The following TXNRD1 variants were observed in gnomAD, a reference collection of about 807,000 sequenced individuals.
TXNRD1 encodes the protein thioredoxin reductase 1, cytoplasmic.
TXNRD1 carries 57 observed loss-of-function variants against 80.3 expected under a neutral mutation model. The ratio of observed to expected loss-of-function variants is 0.71; its 90% CI spans 0.57 to 0.89. The LOEUF (loss-of-function observed/expected upper bound fraction) is 0.89, where lower values mean the gene tolerates loss of function less well. TXNRD1 is among the 40% of genes least tolerant of loss of function. TXNRD1 has a pLI of 0.00. For missense variants in TXNRD1, 730 were observed against 803.0 expected (o/e 0.91, Z 1.10); for synonymous variants, 291 against 285.2 (o/e 1.02, Z -0.20).
At chr12:104,254,643 AAAT>A (rs1156610118) in intron 2 of TXNRD1, among the ~76,000 whole-genome samples, 7 of 129,188 alleles carry the variant, frequency 5.4e-5, no homozygotes, top group Non-Finnish European at 8.0e-5. Context: ...AAAAAAAAAA[AAAT>A]ATATATATAT....
chr12:104,325,598 G>T (rs1444842118), intron 11 of TXNRD1, among the ~76,000 whole-genome samples, 169 bp downstream of exon 11: 2 of 152,182 alleles, frequency 1.3e-5, no homozygotes, highest in East Asian at 3.8e-4. Flanking sequence ...TGGTGGCCAG[G>T]TGTGTTAGCT....
chr12:104,225,184 G>T (rs2032444671), intron 1 of TXNRD1, among the ~76,000 whole-genome samples: 1 of 152,140 alleles, frequency 6.6e-6, no homozygotes, highest in Non-Finnish European at 1.5e-5. Context: ...TTAATAAAAA[G>T]GAGTAACATT....
At chr12:104,332,447 T>G (rs767583199) in intron 14 of TXNRD1, among the ~76,000 whole-genome samples, 2 of 152,138 alleles carry the variant, frequency 1.3e-5, no homozygotes, top group Non-Finnish European at 2.9e-5. Context: ...CCTTTTTTTC[T>G]GATTATAAGA....
intron 1 of TXNRD1, among the ~76,000 whole-genome samples, chr12:104,221,484 A>G (rs2032357522): frequency 6.6e-6 from 1 of 151,862 alleles, no homozygotes; most frequent in Non-Finnish European, 1.5e-5. Context: ...CGCCCGACTA[A>G]TTTTGTATTT....
intron 1 of TXNRD1, among the ~76,000 whole-genome samples, chr12:104,224,268 T>C (rs1278518922): frequency 6.6e-6 from 1 of 152,202 alleles, no homozygotes; most frequent in African/African-American, 2.4e-5. Context: ...ATTCCCCAAG[T>C]AGAGATAGTT....
chr12:104,323,552 C>T lies in TXNRD1; in HGVS notation c.1216-1785C>T, dbSNP rs1200044801. 2.4e-3 allele frequency among the ~76,000 whole-genome samples: 324 copies of T among 135,060 alleles called. 6 individuals carry two copies. The highest frequency in any genetic ancestry group is 9.3e-3 in the African/African-American group (310 of 33,492). 88.6% of individuals were successfully genotyped at this position (135,060 alleles called of 152,430 possible). Reference sequence around the variant, plus strand: ...GGGGCTGACACCCCCACCTCCCTCCCGGACGGGGCGGCTGGCCGGGCGGGG... The same window carrying T: ...GGGGCTGACACCCCCACCTCCCTCCTGGACGGGGCGGCTGGCCGGGCGGGG... On this transcript the variant is annotated intron_variant, in intron 10 of 16. Transcript: ENST00000525566.
intron 3 of TXNRD1, among the ~76,000 whole-genome samples, chr12:104,284,653 C>A (rs1378233544): frequency 1.3e-5 from 2 of 152,084 alleles, no homozygotes; most frequent in Non-Finnish European, 2.9e-5. Flanking sequence ...AAGGGTTTGC[C>A]TATCCAAAGC....
At chr12:104,257,874 T>C in intron 2 of TXNRD1, 145 bp from the exon 3 acceptor site, 1 of 639,558 alleles carries the variant, frequency 1.6e-6, no homozygotes, top group Non-Finnish European at 2.7e-6. Flanking sequence ...ACAGGGAGAA[T>C]CTTATGGGTT....
In TXNRD1 at chr12:104,288,912, C is replaced by T; in HGVS notation, c.305-19C>T. 1 of 1,614,004 alleles carries T rather than the reference C, an allele frequency of 6.2e-7. No homozygotes were observed. The highest frequency in any genetic ancestry group is 8.5e-7 in the Non-Finnish European group (1 of 1,179,852). On this transcript the variant is annotated intron_variant, in intron 3 of 16. Coordinates refer to ENST00000525566, the MANE Select transcript of TXNRD1 (RefSeq NM_001093771.3). ...GGAGAAGCACCTTACACGCTCCGCT[C>T]TGCTTTTGTGCCACACAGAGGACGG...
At chr12:104,284,272 T>A (rs1182537710) in intron 3 of TXNRD1, 2 of 152,232 alleles carry the variant, frequency 1.3e-5, no homozygotes, top group Admixed American at 1.3e-4. Flanking sequence ...TGTGTTTCCT[T>A]CAGCAATGTT....
chr12:104,314,360 G>C (rs141709299), intron 6 of TXNRD1, among the ~76,000 whole-genome samples: 1 of 152,318 alleles, frequency 6.6e-6, no homozygotes, highest in African/African-American at 2.4e-5. Flanking sequence ...AGGAAGTCCA[G>C]ATAAGGCGAT....
At chr12:104,250,757 G>A (rs2033101115) in intron 1 of TXNRD1, among the ~76,000 whole-genome samples, 1 of 152,214 alleles carries the variant, frequency 6.6e-6, no homozygotes, top group African/African-American at 2.4e-5. Flanking sequence ...GAAATGAGAA[G>A]AAATCACCTA....
At position 104,326,565 on chromosome 12, in the gene TXNRD1, A is replaced by G. The variant is rs2035773490; in HGVS notation, c.1385+142A>G. ...ACTGCAACCTCCGTCCCCTGGGATC[A>G]AGCCATTCTCCTGCCTCAGCCTCCC... is the stretch of plus-strand genomic sequence containing the variant. On this transcript the variant is annotated intron_variant, in intron 12 of 16. Transcript: ENST00000525566. 3 of 532,438 alleles carry G rather than the reference A, an allele frequency of 5.6e-6. No individual in the cohort carries two copies. In the South Asian group the frequency reaches 7.0e-5, roughly 12 times the overall value. The allele number at this position is 532,438 out of a possible 1,614,324, so 33.0% of individuals were successfully genotyped here. A position where few individuals can be genotyped will look rare whatever the true frequency, so the allele number is the denominator to read the frequency against.
intron 2 of TXNRD1, among the ~76,000 whole-genome samples, chr12:104,256,283 G>A (rs2033245541): frequency 6.6e-6 from 1 of 152,176 alleles, no homozygotes. Flanking sequence ...CTACGTAAAG[G>A]TAGCTTTCCG....
chr12:104,346,951 C>T (rs1489124808), intron 16 of TXNRD1, among the ~76,000 whole-genome samples: 4 of 151,992 alleles, frequency 2.6e-5, no homozygotes, highest in Non-Finnish European at 5.9e-5. Context: ...AAAAATTATC[C>T]GAGCATGGTG....
intron 4 of TXNRD1, chr12:104,303,710 G>T: frequency 1.5e-6 from 1 of 680,752 alleles, no homozygotes; most frequent in South Asian, 2.3e-5. Context: ...GCTGGGGGCG[G>T]GTCGCGCCGG....
In TXNRD1 at chr12:104,311,335, C is replaced by G; in HGVS notation, c.460C>G (p.Pro154Ala). 1 of 1,611,936 alleles carries G rather than the reference C, an allele frequency of 6.2e-7. No homozygotes were observed. The highest frequency in any genetic ancestry group is 1.1e-5 in the South Asian group (1 of 90,632). ...TCAAAAGCTACTAAAAATGAACGGC[C>G]CTGAAGATCTTCCCAAGTCCTATGA... ...RLQKLLKMNG[P>A]EDLPKSYDYD... The change falls in exon 5 of 17, where the codon CCT becomes GCT. Residue 154 changes from proline (P) to alanine (A), a missense_variant. Physicochemically the swap from Pro to Ala is conservative, Grantham distance 27. Transcript: ENST00000525566.
chr12:104,317,365 CTTTTTT>C lies in TXNRD1; in HGVS notation c.730+1485_730+1490del, dbSNP rs68031758. On this transcript the variant is annotated intron_variant, in intron 7 of 16. Transcript: ENST00000525566. ...ATAACCGCAGTGGCATCTGCAGTTA[CTTTTTT>C]TTTTTTTTTTTTTTTCAGTTGAACC... 4.2e-3 allele frequency among the ~76,000 whole-genome samples: 483 copies of C among 116,296 alleles called. 9 individuals carry two copies. Among genetic ancestry groups the C allele is most frequent in the Admixed American group, 0.039 (426 of 10,976 alleles). The allele number at this position is 116,296 out of a possible 152,430, so 76.3% of individuals were successfully genotyped here. A position where few individuals can be genotyped will look rare whatever the true frequency, so the allele number is the denominator to read the frequency against.
chr12:104,311,518 T>C, intron 5 of TXNRD1, 106 bp downstream of exon 5: 3 of 1,400,292 alleles, frequency 2.1e-6, no homozygotes, highest in Non-Finnish European at 9.5e-7. Context: ...TTTGATCCAC[T>C]CCTGTGACAT....
Sources: allele counts gnomAD v4.1 joint callset (sites outside exome capture counted in the v4.1 genomes callset), GRCh38; gene constraint gnomAD v4.1.1; transcripts MANE v1.5; gene names NCBI Gene and HGNC (gene_info 2026-07-23, HGNC 2026-07-21).